The following PKHD1 variants were observed in gnomAD, a reference collection of about 807,000 sequenced individuals.
PKHD1 encodes PKHD1 ciliary IPT domain containing fibrocystin/polyductin.
PKHD1 carries 291 observed loss-of-function variants against 412.0 expected under a neutral mutation model. The ratio of observed to expected loss-of-function variants is 0.71; its 90% confidence interval spans 0.64 to 0.78. The LOEUF is 0.78. Ranked by LOEUF, PKHD1 falls within the 30% of genes least tolerant of loss-of-function variation. PKHD1 has a pLI of 0.00. For synonymous variants in PKHD1, 1,777 were observed against 1,821.5 expected (o/e 0.98, Z 0.62); for missense variants, 4,825 against 4,950.7 (o/e 0.97, Z 0.76).
chr6:51,716,750 T>C (rs56351548), intron 60 of PKHD1, among the ~76,000 whole-genome samples: 19,720 of 151,966 alleles, frequency 0.13, 1,317 homozygotes, highest in Middle Eastern at 0.19. Flanking sequence ...GCCTGATATA[T>C]AGACATCAGG....
At chr6:51,971,510 C>A (rs1793661088) in intron 35 of PKHD1, among the ~76,000 whole-genome samples, 1 of 152,146 alleles carries the variant, frequency 6.6e-6, no homozygotes, top group Non-Finnish European at 1.5e-5. Context: ...AGACCTGATG[C>A]AGACCTTTCT....
At chr6:51,802,281 C>G (rs1763052412) in intron 52 of PKHD1, among the ~76,000 whole-genome samples, 1 of 151,510 alleles carries the variant, frequency 6.6e-6, no homozygotes, top group South Asian at 2.1e-4. Flanking sequence ...CTAGACCTTG[C>G]AATCCCCAGA....
At chr6:51,751,538 ATAC>A (rs772020867) in intron 57 of PKHD1, among the ~76,000 whole-genome samples, 13 of 152,208 alleles carry the variant, frequency 8.5e-5, no homozygotes, top group Non-Finnish European at 1.9e-4. Flanking sequence ...GGATCTCTCT[ATAC>A]TACCTTTGCA....
At chr6:51,986,387 G>A (rs1272806406) in intron 35 of PKHD1, among the ~76,000 whole-genome samples, 1 of 152,194 alleles carries the variant, frequency 6.6e-6, no homozygotes, top group Non-Finnish European at 1.5e-5. Flanking sequence ...TATCTTGTCA[G>A]TTGCTGAAGA....
rs1387629707 is a variant in PKHD1, at chr6:52,072,136, A to G, written c.581T>C (p.Ile194Thr). 3 of 1,608,140 alleles carry G rather than the reference A, an allele frequency of 1.9e-6. No homozygotes were observed. The Admixed American group carries it at 5.0e-5, about 27-fold the overall frequency. Reference protein sequence around the residue: ...GDKWVTPCSLINRQMGSCYPI... With the variant: ...GDKWVTPCSLTNRQMGSCYPI... Reference sequence around the variant, plus strand: ...TCACCAGCTTCCCATCTGCCTATTTATAAGAGAGCAAGGAGTAACCCATTT... The same window carrying G: ...TCACCAGCTTCCCATCTGCCTATTTGTAAGAGAGCAAGGAGTAACCCATTT... The change falls in exon 8 of 67, where the codon ATA becomes ACA. Residue 194 changes from isoleucine to threonine, a missense_variant. Physicochemically the swap from Ile to Thr is moderately conservative, Grantham distance 89. Coordinates refer to ENST00000371117, the MANE Select transcript of PKHD1 (RefSeq NM_138694.4).
chr6:52,034,307 T>G (rs1356529591), intron 28 of PKHD1, among the ~76,000 whole-genome samples: 15 of 147,470 alleles, frequency 1.0e-4, no homozygotes. Flanking sequence ...TAACTATATT[T>G]GAAAGAATTA....
At chr6:51,804,455 T>C (rs1763438726) in intron 52 of PKHD1, among the ~76,000 whole-genome samples, 1 of 148,698 alleles carries the variant, frequency 6.7e-6, no homozygotes, top group Admixed American at 6.8e-5. Context: ...AATTATCAGC[T>C]ATTGTTTTCA....
intron 35 of PKHD1, among the ~76,000 whole-genome samples, chr6:51,980,249 G>GT (rs1237065619): frequency 6.6e-6 from 1 of 152,032 alleles, no homozygotes; most frequent in Non-Finnish European, 1.5e-5. Flanking sequence ...CTATTTCGTG[G>GT]TTTTTTTCAA....
At chr6:51,822,260 G>A (rs970792833) in intron 52 of PKHD1, among the ~76,000 whole-genome samples, 1 of 152,182 alleles carries the variant, frequency 6.6e-6, no homozygotes, top group Non-Finnish European at 1.5e-5. Context: ...TATAAAACAA[G>A]CAAGAGATGT....
chr6:51,632,649 G>A lies in PKHD1; in HGVS notation c.11581C>T (p.Leu3861=). The A allele has an allele frequency of 6.2e-7, 1 of 1,613,460 alleles. No individual in the cohort carries two copies. Among genetic ancestry groups the A allele is most frequent in the Non-Finnish European group, 8.5e-7 (1 of 1,179,582 alleles). The change falls in exon 65 of 67, where the codon CTG becomes TTG. Residue 3861 remains leucine, a synonymous_variant. Coordinates refer to ENST00000371117, the MANE Select transcript of PKHD1 (RefSeq NM_138694.4). ...VTRKEKSTII[L]AASLSSVASW... The stretch of plus-strand genomic sequence containing the variant: ...GCCACAGAGGACAGGGAAGCAGCCA[G>A]GATGATGGTCGACTTCTCCTTCCTA...
intron 49 of PKHD1, among the ~76,000 whole-genome samples, chr6:51,853,677 T>C (rs954374330): frequency 5.9e-5 from 9 of 152,230 alleles, no homozygotes; most frequent in African/African-American, 9.6e-5. Context: ...GTCTTCAAAC[T>C]CTGATATCCT....
chr6:51,922,156 T>A lies in PKHD1; in HGVS notation c.6122-9580A>T, dbSNP rs542330669. ...TGTTGATGTTGATGCTGTTCCTTTCTGTTAGTTTTCCTTCTATCAGTCAGG... is the reference window on the plus strand; with the variant it reads ...TGTTGATGTTGATGCTGTTCCTTTCAGTTAGTTTTCCTTCTATCAGTCAGG... On this transcript the variant is annotated intron_variant, in intron 37 of 66. Transcript: ENST00000371117. Among the ~76,000 whole-genome samples, 5 of 152,362 alleles carry A rather than the reference T, an allele frequency of 3.3e-5. No homozygotes were observed. The East Asian group carries it at 9.6e-4, about 29-fold the overall frequency.
Position 51,885,937 on chromosome 6 carries a change from G to T in PKHD1, c.7145C>A (p.Pro2382His). 6.2e-7 allele frequency: 1 copy of T among 1,612,948 alleles called. No individual in the cohort carries two copies. Among genetic ancestry groups the T allele is most frequent in the Non-Finnish European group, 8.5e-7 (1 of 1,179,060 alleles). The change falls in exon 45 of 67, where the codon CCT becomes CAT. Residue 2382 changes from proline (P) to histidine (H), a missense_variant. Physicochemically the swap from Pro to His is moderately conservative, Grantham distance 77. Transcript: ENST00000371117. ...GLFVYPKFQPPWDNVTGTTLF... is the reference protein window; with the variant it reads ...GLFVYPKFQPHWDNVTGTTLF... Reference sequence around the variant, plus strand: ...AGTGGTGCCAGTGACATTATCCCAAGGTGGCTGAAATTTAGGGTATACAAA... The same window carrying T: ...AGTGGTGCCAGTGACATTATCCCAATGTGGCTGAAATTTAGGGTATACAAA...
At chr6:52,006,343 T>C (rs1045704983) in intron 35 of PKHD1, among the ~76,000 whole-genome samples, 6 of 148,732 alleles carry the variant, frequency 4.0e-5, no homozygotes, top group Non-Finnish European at 7.5e-5. Flanking sequence ...GCTGATTTTT[T>C]GGTTTGTTTT....
At chr6:51,856,885 T>C (rs1371279542) in intron 48 of PKHD1, among the ~76,000 whole-genome samples, 1 of 152,262 alleles carries the variant, frequency 6.6e-6, no homozygotes. Flanking sequence ...ATGTTTGTTA[T>C]ATGAATGAAC....
intron 35 of PKHD1, among the ~76,000 whole-genome samples, chr6:51,986,461 G>T (rs763729276): frequency 1.3e-5 from 2 of 152,226 alleles, no homozygotes; most frequent in Non-Finnish European, 2.9e-5. Flanking sequence ...GAGACTTGCA[G>T]TCTGACAGCA....
At chr6:51,770,004 T>C (rs1008140281) in intron 55 of PKHD1, among the ~76,000 whole-genome samples, 6 of 144,626 alleles carry the variant, frequency 4.1e-5, no homozygotes, top group Non-Finnish European at 7.5e-5. Context: ...TCACATATTA[T>C]TATTAAAATT....
chr6:51,772,634 C>A, intron 55 of PKHD1, 68 bp downstream of exon 55: 1 of 762,736 alleles, frequency 1.3e-6, no homozygotes, highest in Non-Finnish European at 2.3e-6. Flanking sequence ...CATATTGTAA[C>A]AAAATCTCAA....
chr6:51,648,102 G>T lies in PKHD1; in HGVS notation c.11327C>A (p.Ser3776Tyr). ...CCATGGCTCTGAAGGAGGTCCCAGGGACTCTACTCTTCGATTCTAGAAATG... is the reference window on the plus strand; with the variant it reads ...CCATGGCTCTGAAGGAGGTCCCAGGTACTCTACTCTTCGATTCTAGAAATG... ...FLDEQNRRVE[S>Y]LGPPSEPWTI... Residue 3776 changes from serine (S) to tyrosine (Y), a missense_variant, in exon 63 of 67, where the codon TCC (serine) becomes TAC (tyrosine). By Grantham distance (144) the Ser-to-Tyr change is moderately radical (BLOSUM62 -2). Coordinates refer to ENST00000371117, the MANE Select transcript of PKHD1 (RefSeq NM_138694.4). 1 of 1,601,152 alleles carries T rather than the reference G, an allele frequency of 6.2e-7. No homozygotes were observed. The highest frequency in any genetic ancestry group is 8.6e-7 in the Non-Finnish European group (1 of 1,168,142).
Sources: gnomAD v4.1 joint callset for allele counts (sites outside exome capture counted in the v4.1 genomes callset) on GRCh38, gnomAD v4.1.1 for gene constraint, MANE v1.5 for transcripts, NCBI Gene and HGNC (gene_info 2026-07-23, HGNC 2026-07-21) for gene names.